The following ASMTL variants were observed in gnomAD, a reference collection of about 807,000 sequenced individuals.
ASMTL encodes the protein probable bifunctional dTTP/UTP pyrophosphatase/methyltransferase protein.
ASMTL carries 57 observed loss-of-function variants against 60.3 expected under a neutral mutation model. That is an observed-to-expected ratio of 0.95 (90% CI 0.76 to 1.18). The LOEUF is 1.18. Among genes scored for constraint, ASMTL ranks in the 50% most tolerant of loss-of-function variants. ASMTL has a pLI of 0.00. For missense variants in ASMTL, 981 were observed against 852.6 expected (o/e 1.15, Z -1.88); for synonymous variants, 419 against 373.0 (o/e 1.12, Z -1.42).
At chrX:1,415,998 C>G (rs1166907958) in intron 11 of ASMTL, among the ~76,000 whole-genome samples, 1 of 151,694 alleles carries the variant, frequency 6.6e-6, no homozygotes, top group Non-Finnish European at 1.5e-5. Context: ...CACACAGATA[C>G]AGCAAGACAG....
intron 9 of ASMTL, among the ~76,000 whole-genome samples, chrX:1,420,295 T>TTCTGTCTCCC (rs56191905): frequency 0.12 from 18,061 of 151,192 alleles, 1,355 homozygotes; most frequent in Middle Eastern, 0.19. Flanking sequence ...GTCTCCCTGT[T>TTCTGTCTCCC]TCTGTCTCCC....
chrX:1,435,249 C>T (rs45498107), intron 4 of ASMTL, 166 bp from the exon 5 acceptor site: 156,867 of 756,196 alleles, frequency 0.21, 16,901 homozygotes, highest in Middle Eastern at 0.28. Flanking sequence ...GAAACCTTTA[C>T]GGAGAGGCCG....
chrX:1,438,657 C>T (rs1393211455), intron 3 of ASMTL, among the ~76,000 whole-genome samples: 10 of 152,106 alleles, frequency 6.6e-5, no homozygotes, highest in African/African-American at 1.7e-4. Context: ...CGATTACAGG[C>T]GGAGTCTGTA....
chrX:1,411,248 G>A (rs1418070385), intron 12 of ASMTL, among the ~76,000 whole-genome samples: 2 of 146,752 alleles, frequency 1.4e-5, no homozygotes, highest in African/African-American at 5.0e-5. Context: ...AGGGAGAGAA[G>A]AATGGAAGTC....
At chrX:1,413,112 C>T (rs1398392346) in intron 11 of ASMTL, 2 of 491,498 alleles carry the variant, frequency 4.1e-6, no homozygotes, top group Non-Finnish European at 3.7e-6. Flanking sequence ...CCTGTAATCT[C>T]AGCATTTTGG....
chrX:1,437,787 C>G (rs757754588), intron 3 of ASMTL, among the ~76,000 whole-genome samples: 2 of 151,188 alleles, frequency 1.3e-5, no homozygotes, highest in Admixed American at 1.3e-4. Context: ...GTCCCCGCTA[C>G]TCGGGAGGCT....
At chrX:1,406,449 ATAGATGG>A (rs1300843384) in intron 12 of ASMTL, among the ~76,000 whole-genome samples, 2 of 150,040 alleles carry the variant, frequency 1.3e-5, no homozygotes, top group Non-Finnish European at 3.0e-5. Flanking sequence ...GGATGGGTGA[ATAGATGG>A]TAGATGATGG....
At chrX:1,431,183 TTATA>T (rs1335859321) in intron 6 of ASMTL, among the ~76,000 whole-genome samples, 1 of 126,268 alleles carries the variant, frequency 7.9e-6, no homozygotes, top group East Asian at 2.1e-4. Flanking sequence ...TTGTTTATAA[TTATA>T]TATAATTATA....
In ASMTL at chrX:1,418,986, C is replaced by G. The variant is rs200790666; in HGVS notation, c.1374G>C (p.Val458=). The change falls in exon 10 of 13, where the codon GTG becomes GTC. Residue 458 remains valine, a synonymous_variant. Transcript: ENST00000381317. ...NLSRFSSACD[V]GGCTGALARE... ...CCTGGCGGGGGGGCCACCCACCTCCCACGTCGCAGGCGGAGGAGAAGCGGG... is the reference window on the plus strand; with the variant it reads ...CCTGGCGGGGGGGCCACCCACCTCCGACGTCGCAGGCGGAGGAGAAGCGGG... 2,360 of 1,611,860 alleles carry G rather than the reference C, an allele frequency of 1.5e-3. 6 individuals are homozygous for G. Among genetic ancestry groups the G allele is most frequent in the Admixed American group, 2.9e-3 (174 of 60,008 alleles).
chrX:1,405,909 G>A (rs2089812055), intron 12 of ASMTL, among the ~76,000 whole-genome samples: 1 of 150,976 alleles, frequency 6.6e-6, no homozygotes, highest in South Asian at 2.1e-4. Context: ...GATGGTAGAT[G>A]ATGGGTAGGT....
intron 1 of ASMTL, among the ~76,000 whole-genome samples, chrX:1,447,320 C>T (rs374214554): frequency 1.3e-5 from 2 of 152,006 alleles, no homozygotes; most frequent in African/African-American, 4.8e-5. Flanking sequence ...GGACACACAC[C>T]GCCATCTTGG....
chrX:1,440,002 G>A (rs1244676943), intron 2 of ASMTL, among the ~76,000 whole-genome samples: 3 of 151,848 alleles, frequency 2.0e-5, no homozygotes, highest in Non-Finnish European at 4.4e-5. Context: ...GCCTCCCTAA[G>A]CTGTGCACTG....
chrX:1,428,952 A>G (rs1273132879), intron 6 of ASMTL, among the ~76,000 whole-genome samples: 1 of 151,224 alleles, frequency 6.6e-6, no homozygotes, highest in Non-Finnish European at 1.5e-5. Flanking sequence ...GCTGGAGTGC[A>G]GTGGCGCGAT....
At chrX:1,414,811 T>A (rs1267219706) in intron 11 of ASMTL, among the ~76,000 whole-genome samples, 1 of 152,122 alleles carries the variant, frequency 6.6e-6, no homozygotes, top group African/African-American at 2.4e-5. Context: ...TTGCGTTTTG[T>A]TTTTTTAAAA....
intron 3 of ASMTL, 126 bp downstream of exon 3, chrX:1,438,971 G>T: frequency 1.9e-6 from 2 of 1,046,372 alleles, no homozygotes; most frequent in East Asian, 2.4e-5. Context: ...AGTTTGTGAT[G>T]GGAGTTTCTG....
chrX:1,444,982 C>G (rs2091202874), intron 1 of ASMTL, among the ~76,000 whole-genome samples: 1 of 152,222 alleles, frequency 6.6e-6, no homozygotes, highest in East Asian at 1.9e-4. Flanking sequence ...CTCTCTTCGT[C>G]CGTCTTCTTC....
At chrX:1,429,384 G>C (rs1304403696) in intron 6 of ASMTL, among the ~76,000 whole-genome samples, 3 of 151,996 alleles carry the variant, frequency 2.0e-5, no homozygotes, top group Non-Finnish European at 2.9e-5. Context: ...TTTTTATAAA[G>C]ATGGGGTTTC....
chrX:1,435,249 C>G (rs45498107), intron 4 of ASMTL, 166 bp from the exon 5 acceptor site: 2 of 756,160 alleles, frequency 2.6e-6, no homozygotes, highest in Non-Finnish European at 4.5e-6. Flanking sequence ...GAAACCTTTA[C>G]GGAGAGGCCG....
chrX:1,433,637 G>A (rs1455211071), intron 5 of ASMTL, among the ~76,000 whole-genome samples: 2 of 151,740 alleles, frequency 1.3e-5, no homozygotes, highest in African/African-American at 2.4e-5. Context: ...CCGAGATGGC[G>A]CAAGTGCACT....
Sources: gnomAD v4.1 joint callset for allele counts (sites outside exome capture counted in the v4.1 genomes callset) on GRCh38, gnomAD v4.1.1 for gene constraint, MANE v1.5 for transcripts, NCBI Gene and HGNC (gene_info 2026-07-23, HGNC 2026-07-21) for gene names.